The following LARP1 variants were observed in gnomAD, a reference collection of about 807,000 sequenced individuals.
The protein encoded by LARP1 is la-related protein 1.
LARP1 carries 36 observed loss-of-function variants against 122.7 expected under a neutral mutation model. The ratio of observed to expected loss-of-function variants is 0.29; its 90% CI spans 0.22 to 0.39. The LOEUF (loss-of-function observed/expected upper bound fraction) is 0.39. Among genes scored for constraint, LARP1 ranks in the 10% least tolerant of loss-of-function variants. The pLI, the probability that LARP1 is intolerant of heterozygous loss-of-function variation, is 1.00. For synonymous variants in LARP1, 539 were observed against 528.7 expected, an observed-to-expected ratio of 1.02 and a Z score of -0.27; for missense variants, 1,040 against 1,403.6, an observed-to-expected ratio of 0.74 and a Z score of 4.14.
intron 1 of LARP1, among the ~76,000 whole-genome samples, chr5:154,725,727 G>A (rs80099597): frequency 2.0e-5 from 3 of 152,262 alleles, no homozygotes; most frequent in African/African-American, 7.2e-5. Flanking sequence ...CTCAAGAAAA[G>A]GCTAAGAAAC....
In LARP1 at chr5:154,792,937, A is replaced by G. The variant is rs77021874; in HGVS notation, c.739+141A>G. ...AAACTGATGGATGTAGGCTGGTGAGATAGCAGTCTTCAACCATCTGTCATT... is the reference window on the plus strand; with the variant it reads ...AAACTGATGGATGTAGGCTGGTGAGGTAGCAGTCTTCAACCATCTGTCATT... On this transcript the variant is annotated intron_variant, in intron 4 of 18. Coordinates refer to ENST00000518297, the MANE Select transcript of LARP1 (RefSeq NM_033551.3). 29,419 of 770,544 alleles carry G rather than the reference A, an allele frequency of 0.038. 727 individuals carry two copies. The highest frequency in any genetic ancestry group is 0.044 in the Non-Finnish European group (21,297 of 484,150). The allele number at this position is 770,544 out of a possible 1,614,324, so 47.7% of individuals were successfully genotyped here.
chr5:154,746,913 C>G (rs1472102201), intron 1 of LARP1, among the ~76,000 whole-genome samples: 1 of 152,102 alleles, frequency 6.6e-6, no homozygotes, highest in Non-Finnish European at 1.5e-5. Context: ...GGTGGGCAGA[C>G]CACTTGAGGT....
intron 1 of LARP1, among the ~76,000 whole-genome samples, chr5:154,758,563 A>T (rs1158540665): frequency 6.6e-6 from 1 of 152,066 alleles, no homozygotes; most frequent in Non-Finnish European, 1.5e-5. Flanking sequence ...GCCTACGTGG[A>T]TCTCTGAAGT....
At position 154,749,030 on chromosome 5, in the gene LARP1, C is replaced by T. The variant is rs545523107; in HGVS notation, c.205+35900C>T. ...TACTGAGTTAAAGAAGTGATTGGTCCACTGTTGCTGGAGTGTAGGGTCTGT... is the reference window on the plus strand; with the variant it reads ...TACTGAGTTAAAGAAGTGATTGGTCTACTGTTGCTGGAGTGTAGGGTCTGT... On this transcript the variant is annotated intron_variant, in intron 1 of 18. Coordinates refer to the LARP1 transcript ENST00000336314. 6.6e-5 allele frequency among the ~76,000 whole-genome samples: 10 copies of T among 152,262 alleles called. No homozygotes were observed. The South Asian group carries it at 2.1e-3, about 32-fold the overall frequency.
Position 154,793,826 on chromosome 5 carries a change from G to A in LARP1, c.895G>A (p.Val299Met), listed in dbSNP as rs766635412. The change falls in exon 6 of 19, where the codon GTG (valine) becomes ATG (methionine). Residue 299 changes from valine to methionine, a missense_variant. Physicochemically the swap from Val to Met is conservative, Grantham distance 21. Coordinates refer to ENST00000518297, the MANE Select transcript of LARP1 (RefSeq NM_033551.3). ...GTCTGAGTCTGCCACCTACGTGCCC[G>A]TGGCCCCCCCCACCCCAGCCTGGCA... ...KGSESATYVP[V>M]APPTPAWQPE... 5.9e-5 allele frequency: 95 copies of A among 1,614,006 alleles called. 1 individual carries two copies. In the Admixed American group the frequency reaches 1.4e-3, roughly 23 times the overall value.
chr5:154,727,361 G>A (rs994925464), intron 1 of LARP1, among the ~76,000 whole-genome samples: 4 of 152,226 alleles, frequency 2.6e-5, no homozygotes, highest in East Asian at 1.9e-4. Flanking sequence ...ATAATAAAAC[G>A]GATAGTGTCT....
chr5:154,728,977 G>T (rs1437623840), intron 1 of LARP1, among the ~76,000 whole-genome samples: 1 of 152,110 alleles, frequency 6.6e-6, no homozygotes, highest in Admixed American at 6.6e-5. Flanking sequence ...TTGTTCATAG[G>T]GAAATGTCTC....
chr5:154,760,080 C>CTGT (rs1754328086), intron 1 of LARP1, among the ~76,000 whole-genome samples: 1 of 152,122 alleles, frequency 6.6e-6, no homozygotes, highest in African/African-American at 2.4e-5. Flanking sequence ...GCTGGGATTA[C>CTGT]AGGCATGTGC....
chr5:154,746,292 C>T (rs1234914171), intron 1 of LARP1, among the ~76,000 whole-genome samples: 2 of 152,200 alleles, frequency 1.3e-5, no homozygotes, highest in Non-Finnish European at 2.9e-5. Context: ...GAGCTTGGCT[C>T]CTGTGTTTGA....
chr5:154,710,447 T>TA (rs1014638810), upstream of LARP1, among the ~76,000 whole-genome samples: 33 of 149,728 alleles, frequency 2.2e-4, no homozygotes, highest in African/African-American at 7.3e-4. Context: ...CCCTATCTGT[T>TA]AAAAAAAAAA....
chr5:154,712,744 G>C (rs889630134), upstream of LARP1, among the ~76,000 whole-genome samples: 1 of 152,144 alleles, frequency 6.6e-6, no homozygotes, highest in Non-Finnish European at 1.5e-5. Context: ...AAGGTAAAGA[G>C]GTGGGGTAGC....
At chr5:154,699,707 A>G (rs1354935107) in intron 1 of LARP1, among the ~76,000 whole-genome samples, 3 of 151,986 alleles carry the variant, frequency 2.0e-5, no homozygotes, top group Non-Finnish European at 1.5e-5. Flanking sequence ...GTCCACAGGA[A>G]CTCCTTAGGG....
intron 1 of LARP1, among the ~76,000 whole-genome samples, chr5:154,769,273 C>T (rs1755207866): frequency 6.6e-6 from 1 of 152,226 alleles, no homozygotes; most frequent in African/African-American, 2.4e-5. Flanking sequence ...GCCCAGCCTC[C>T]CTTTAGGTGA....
chr5:154,812,062 C>T (rs759864263), intron 18 of LARP1, among the ~76,000 whole-genome samples: 1 of 152,170 alleles, frequency 6.6e-6, no homozygotes, highest in African/African-American at 2.4e-5. Flanking sequence ...CGGTGACATC[C>T]AGTGGCAGGG....
chr5:154,811,499 A>G lies in LARP1; in HGVS notation c.2954-14A>G, dbSNP rs1759269212. ...ATCCTCACCAGCTCAGCTTTTCTGT[A>G]CCTCTCCCTACAGGCCAACTGTATG... is the stretch of plus-strand genomic sequence containing the variant. On this transcript the variant is annotated splice_polypyrimidine_tract_variant and intron_variant, in intron 17 of 18. Coordinates refer to ENST00000518297, the MANE Select transcript of LARP1 (RefSeq NM_033551.3). The G allele has an allele frequency of 6.2e-7, 1 of 1,613,918 alleles. No homozygotes were observed. The highest frequency in any genetic ancestry group is 1.3e-5 in the African/African-American group (1 of 74,834).
chr5:154,747,100 A>G (rs1753232789), intron 1 of LARP1, among the ~76,000 whole-genome samples: 1 of 152,220 alleles, frequency 6.6e-6, no homozygotes, highest in South Asian at 2.1e-4. Flanking sequence ...ACTGCACTCC[A>G]GCCTGGGCGA....
intron 1 of LARP1, among the ~76,000 whole-genome samples, chr5:154,765,060 C>T (rs542144265): frequency 6.6e-6 from 1 of 152,254 alleles, no homozygotes; most frequent in South Asian, 2.1e-4. Flanking sequence ...CTACTTAAAG[C>T]CCTCTGGTAA....
chr5:154,809,534 TC>T (rs1271610084), intron 16 of LARP1, among the ~76,000 whole-genome samples: 1 of 152,086 alleles, frequency 6.6e-6, no homozygotes, highest in African/African-American at 2.4e-5. Flanking sequence ...TTTGTGCTCT[TC>T]CAGACTTTGT....
intron 1 of LARP1, among the ~76,000 whole-genome samples, chr5:154,724,669 T>A (rs1756084879): frequency 6.7e-6 from 1 of 150,202 alleles, no homozygotes; most frequent in African/African-American, 2.4e-5. Context: ...ACTGGGAATT[T>A]TTTTTTTTTT....
Sources: gnomAD v4.1 joint callset for allele counts (sites outside exome capture counted in the v4.1 genomes callset) on GRCh38, gnomAD v4.1.1 for gene constraint, MANE v1.5 for transcripts, NCBI Gene and HGNC (gene_info 2026-07-23, HGNC 2026-07-21) for gene names.